Variants in SLC25A26 observed in about 807,000 individuals in gnomAD.
SLC25A26 encodes the protein solute carrier family 25 member 26, also known as mitochondrial S-adenosylmethionine carrier protein.
SLC25A26 carries 36 observed loss-of-function variants against 37.8 expected under a neutral mutation model. The ratio of observed to expected loss-of-function variants is 0.95; its 90% confidence interval spans 0.73 to 1.26. The LOEUF is 1.26. SLC25A26 is among the 50% of genes most tolerant of loss of function. The pLI, the probability that SLC25A26 is intolerant of heterozygous loss-of-function variation, is 0.00. For synonymous variants in SLC25A26, 129 were observed against 122.5 expected, an observed-to-expected ratio of 1.05 and a Z score of -0.35; for missense variants, 390 against 331.1, an observed-to-expected ratio of 1.18 and a Z score of -1.38.
At chr3:66,361,718 C>G (rs1292463548) in intron 6 of SLC25A26, among the ~76,000 whole-genome samples, 44 of 152,308 alleles carry the variant, frequency 2.9e-4, no homozygotes, top group Non-Finnish European at 5.9e-5. Flanking sequence ...AATCCCAGCA[C>G]TTTGAGAGGC....
At chr3:66,227,844 G>C (rs536603344) in intron 1 of SLC25A26, among the ~76,000 whole-genome samples, 2 of 152,218 alleles carry the variant, frequency 1.3e-5, no homozygotes, top group East Asian at 1.9e-4. Flanking sequence ...GTTCTTGGGT[G>C]GAGTGAAGAA....
chr3:66,284,074 TGGTGG>T (rs2074430613), intron 5 of SLC25A26, among the ~76,000 whole-genome samples: 1 of 152,222 alleles, frequency 6.6e-6, no homozygotes, highest in Non-Finnish European at 1.5e-5. Context: ...AGACTGGGCA[TGGTGG>T]CTCATGCCTG....
intron 3 of SLC25A26, among the ~76,000 whole-genome samples, chr3:66,256,969 C>T (rs1221228599): frequency 6.6e-6 from 1 of 152,124 alleles, no homozygotes; most frequent in Admixed American, 6.5e-5. Flanking sequence ...TTTGCTGATT[C>T]ATTTCCTCCT....
chr3:66,235,459 T>C (rs886937937), intron 1 of SLC25A26, among the ~76,000 whole-genome samples: 2 of 1,268 alleles, frequency 1.6e-3, no homozygotes, highest in African/African-American at 0.017. Context: ...GGAATTTAGC[T>C]CTTAAAAAAA....
intron 9 of SLC25A26, among the ~76,000 whole-genome samples, chr3:66,372,073 A>G (rs1700376408): frequency 6.6e-6 from 1 of 152,238 alleles, no homozygotes; most frequent in South Asian, 2.1e-4. Flanking sequence ...AGCCTGGGTG[A>G]CAGAGCAAGA....
intron 1 of SLC25A26, among the ~76,000 whole-genome samples, chr3:66,225,466 G>C (rs1047189118): frequency 6.6e-6 from 1 of 152,132 alleles, no homozygotes; most frequent in African/African-American, 2.4e-5. Flanking sequence ...CACAGCAAGG[G>C]GGCCCTGGAC....
In SLC25A26 at chr3:66,226,548, A is replaced by G. The variant is rs537539990; in HGVS notation, c.33+5421A>G. Among the ~76,000 whole-genome samples the G allele has an allele frequency of 9.2e-5, 14 of 152,164 alleles. No homozygotes were observed. The South Asian group carries it at 2.7e-3, about 29-fold the overall frequency. On this transcript the variant is annotated intron_variant, in intron 1 of 9. Transcript: ENST00000354883. ...GAGTGCAGTGGTGCTGTCTCTGCTC[A>G]AGTGATCCTCCCACCTCAGCCTCCT...
At chr3:66,279,552 C>T (rs924866420) in intron 5 of SLC25A26, among the ~76,000 whole-genome samples, 3 of 152,084 alleles carry the variant, frequency 2.0e-5, no homozygotes, top group African/African-American at 7.2e-5. Context: ...TTATCTTTCT[C>T]TAGTGCCTAT....
chr3:66,245,082 A>G (rs573039049), intron 3 of SLC25A26, among the ~76,000 whole-genome samples: 1 of 151,966 alleles, frequency 6.6e-6, no homozygotes, highest in South Asian at 2.1e-4. Flanking sequence ...TTTTGTTTCT[A>G]TTTTTGAAGA....
chr3:66,179,772 A>G (rs2070662329), intron 1 of SLC25A26, among the ~76,000 whole-genome samples: 2 of 152,080 alleles, frequency 1.3e-5, no homozygotes, highest in African/African-American at 4.8e-5. Flanking sequence ...TGCAAACTAA[A>G]TCCAGAGTTT....
At chr3:66,222,447 C>G (rs557601912) in intron 1 of SLC25A26, among the ~76,000 whole-genome samples, 1 of 152,322 alleles carries the variant, frequency 6.6e-6, no homozygotes, top group South Asian at 2.1e-4. Flanking sequence ...TCCCAAAGTG[C>G]TGGGACTACA....
chr3:66,225,367 C>T (rs1226103157), intron 1 of SLC25A26, among the ~76,000 whole-genome samples: 3 of 152,226 alleles, frequency 2.0e-5, no homozygotes, highest in Non-Finnish European at 4.4e-5. Context: ...GGCTTGCATC[C>T]TTCGAAGCCA....
At chr3:66,182,673 G>C (rs1416169303) in intron 1 of SLC25A26, among the ~76,000 whole-genome samples, 2 of 140,064 alleles carry the variant, frequency 1.4e-5, no homozygotes, top group Non-Finnish European at 3.1e-5. Flanking sequence ...GCTTATAACA[G>C]GATTGGCTGA....
chr3:66,268,134 C>T (rs1379869982), intron 5 of SLC25A26, among the ~76,000 whole-genome samples: 2 of 152,164 alleles, frequency 1.3e-5, no homozygotes, highest in Non-Finnish European at 2.9e-5. Context: ...ATAATGATTG[C>T]ATAGTAGTCC....
intron 1 of SLC25A26, among the ~76,000 whole-genome samples, chr3:66,168,483 G>C (rs938824764): frequency 2.6e-5 from 4 of 152,084 alleles, no homozygotes; most frequent in African/African-American, 7.2e-5. Flanking sequence ...TCTTTAGAAA[G>C]TCTTGCCTTT....
At chr3:66,279,356 C>G (rs1331000658) in intron 5 of SLC25A26, among the ~76,000 whole-genome samples, 1 of 152,120 alleles carries the variant, frequency 6.6e-6, no homozygotes, top group Non-Finnish European at 1.5e-5. Flanking sequence ...GTGGTTCAGA[C>G]CAGGGCTTTG....
intron 1 of SLC25A26, among the ~76,000 whole-genome samples, chr3:66,174,069 A>C (rs576966235): frequency 6.6e-6 from 1 of 152,106 alleles, no homozygotes; most frequent in Non-Finnish European, 1.5e-5. Flanking sequence ...GAAAAAAAAA[A>C]AACATGAAAG....
chr3:66,146,469 A>C (rs1030841650), intron 1 of SLC25A26, among the ~76,000 whole-genome samples: 3 of 150,984 alleles, frequency 2.0e-5, no homozygotes, highest in Admixed American at 6.6e-5. Context: ...AGTAATCATC[A>C]CATCTAGGTG....
intron 1 of SLC25A26, among the ~76,000 whole-genome samples, chr3:66,209,046 A>G (rs1480080170): frequency 2.1e-4 from 5 of 23,710 alleles, no homozygotes; most frequent in East Asian, 2.7e-3. Flanking sequence ...AGGTGTATAT[A>G]TATATATATA....
Sources: allele counts gnomAD v4.1 joint callset (sites outside exome capture counted in the v4.1 genomes callset), GRCh38; gene constraint gnomAD v4.1.1; transcripts MANE v1.5; gene names NCBI Gene and HGNC (gene_info 2026-07-23, HGNC 2026-07-21).